The following ANLN variants were observed in gnomAD, a reference collection of about 807,000 sequenced individuals.
ANLN encodes anillin.
In ANLN, 59 loss-of-function variants were observed where a neutral mutation model predicts 135.1. The observed-to-expected ratio is 0.44, with a 90% CI of 0.35 to 0.54. The LOEUF (loss-of-function observed/expected upper bound fraction) is 0.54, where lower values mean the gene tolerates loss of function less well. Ranked by LOEUF, ANLN falls within the 20% of genes least tolerant of loss-of-function variation. The pLI, the probability that ANLN is intolerant of heterozygous loss-of-function variation, is 0.00. For synonymous variants in ANLN, 406 were observed against 456.4 expected (o/e 0.89, Z 1.41); for missense variants, 1,182 against 1,340.0 (o/e 0.88, Z 1.84).
At chr7:36,395,800 C>G (rs1786669157) in intron 1 of ANLN, among the ~76,000 whole-genome samples, 1 of 151,968 alleles carries the variant, frequency 6.6e-6, no homozygotes. Flanking sequence ...GTAGTTGATA[C>G]TGACCATCAC....
intron 10 of ANLN, 66 bp from the exon 11 acceptor site, chr7:36,420,103 A>C: frequency 6.8e-7 from 1 of 1,477,972 alleles, no homozygotes; most frequent in Non-Finnish European, 9.2e-7. Flanking sequence ...GAATTCATTG[A>C]TTTTCACAGA....
In ANLN at chr7:36,396,268, A is replaced by G. The variant is rs746972269; in HGVS notation, c.21A>G (p.Lys7=). Residue 7 remains lysine, a splice_region_variant and synonymous_variant, in exon 2 of 24, where the codon AAA becomes AAG. Coordinates refer to ENST00000265748, the MANE Select transcript of ANLN (RefSeq NM_018685.5). MDPFTE[K]LLERTRARRE... The stretch of plus-strand genomic sequence containing the variant: ...CACTGATATATTTATTTATGTAGAA[A>G]CTGCTGGAGCGAACCCGTGCCAGGC... 2.2e-5 allele frequency: 34 copies of G among 1,577,310 alleles called. No homozygotes were observed. The South Asian group carries it at 4.0e-4, about 18-fold the overall frequency.
chr7:36,406,133 C>G, intron 3 of ANLN, 48 bp from the exon 4 acceptor site: 1 of 1,521,504 alleles, frequency 6.6e-7, no homozygotes, highest in Non-Finnish European at 8.9e-7. Context: ...TATACGTAAG[C>G]ATTACTCTTA....
Position 36,452,583 on chromosome 7 carries a change from C to T in ANLN, c.3358C>T (p.Pro1120Ser), listed in dbSNP as rs1227345843. The T allele has an allele frequency of 6.2e-7, 1 of 1,614,032 alleles. No homozygotes were observed. Among genetic ancestry groups the T allele is most frequent in the Admixed American group, 1.7e-5 (1 of 60,022 alleles). The change falls in exon 24 of 24, where the codon CCT (proline) becomes TCT (serine). Residue 1120 changes from proline to serine, a missense_variant. By Grantham distance (74) the Pro-to-Ser change is moderately conservative. Transcript: ENST00000265748. ...CTGGCAACCTGATGCTTGCTACAAA[C>T]CTATTGGAAAGCCTTAAACCGGGAA... ...RLWQPDACYK[P>S]IGKP
Position 36,449,570 on chromosome 7 carries a change from T to C in ANLN, c.3079-95T>C, listed in dbSNP as rs1408351607. 6.4e-6 allele frequency: 6 copies of C among 936,316 alleles called. No homozygotes were observed. In the Admixed American group the frequency reaches 1.6e-4, roughly 25 times the overall value. The allele number at this position is 936,316 out of a possible 1,614,324, so 58.0% of individuals were successfully genotyped here. A position where few individuals can be genotyped will look rare whatever the true frequency, so the allele number is the denominator to read the frequency against. On this transcript the variant is annotated intron_variant, in intron 22 of 23. Transcript: ENST00000265748. The stretch of plus-strand genomic sequence containing the variant: ...ATTTTAACTTTTAAATAATAGCTTT[T>C]TAATATTTAATTTGTACCAACTTAA...
chr7:36,426,585 GAT>G (rs1788088619), intron 19 of ANLN, among the ~76,000 whole-genome samples: 1 of 152,114 alleles, frequency 6.6e-6, no homozygotes, highest in South Asian at 2.1e-4. Context: ...CCTGTACAGA[GAT>G]AGTTTCTGCT....
At chr7:36,443,622 T>TA (rs1046445840) in intron 21 of ANLN, 133 bp from the exon 22 acceptor site, 21 of 588,020 alleles carry the variant, frequency 3.6e-5, no homozygotes, top group African/African-American at 9.4e-5. Context: ...AAAGACATGA[T>TA]AAAAAAACAT....
In ANLN at chr7:36,421,879, T is replaced by A. The variant is rs1201017752; in HGVS notation, c.2186T>A (p.Met729Lys). 33 of 1,611,262 alleles carry A rather than the reference T, an allele frequency of 2.0e-5. No individual in the cohort carries two copies. In the East Asian group the frequency reaches 7.4e-4, roughly 36 times the overall value. ...TAGGAACTCAATAACGAAATAAATA[T>A]GCAACAGACAGTGATCTATCAAGCT... Reference protein sequence around the residue: ...KMQELNNEINMQQTVIYQASQ... With the variant: ...KMQELNNEINKQQTVIYQASQ... Residue 729 changes from methionine (M) to lysine (K), a missense_variant, in exon 13 of 24, where the codon ATG (methionine) becomes AAG (lysine). By Grantham distance (95) the Met-to-Lys change is moderately conservative. Around this residue, in one of 3 missense-constraint regions of ANLN, gnomAD observed 1,022 missense variants for 1,134.0 expected, o/e 0.90. Transcript: ENST00000265748.
intron 22 of ANLN, among the ~76,000 whole-genome samples, chr7:36,444,820 T>C (rs1788923002): frequency 6.6e-6 from 1 of 152,088 alleles, no homozygotes; most frequent in Non-Finnish European, 1.5e-5. Context: ...TATAATCTGA[T>C]TTTTTACTTG....
chr7:36,390,460 A>G (rs197354), intron 1 of ANLN: 92,277 of 215,386 alleles, frequency 0.43, 20,934 homozygotes, highest in South Asian at 0.62. Flanking sequence ...CGGGAAAGGC[A>G]GTAGGATGTG....
intron 9 of ANLN, 54 bp downstream of exon 9, chr7:36,417,244 T>C: frequency 1.0e-6 from 1 of 981,162 alleles, no homozygotes; most frequent in South Asian, 1.5e-5. Context: ...TAGGAAATAA[T>C]ATATTGATAG....
chr7:36,390,159 C>A, intron 1 of ANLN, 115 bp downstream of exon 1: 1 of 1,571,338 alleles, frequency 6.4e-7, no homozygotes, highest in Non-Finnish European at 8.7e-7. Context: ...TGTGTGCGCG[C>A]GTGCGCAGTG....
intron 3 of ANLN, among the ~76,000 whole-genome samples, chr7:36,402,905 A>G (rs1300844086): frequency 6.6e-6 from 1 of 152,096 alleles, no homozygotes; most frequent in African/African-American, 2.4e-5. Flanking sequence ...ACACTGTCCT[A>G]TCAGCAGATG....
In ANLN at chr7:36,452,726, C is replaced by T. The variant is rs1789299429; in HGVS notation, c.*126C>T. 3 of 1,054,792 alleles carry T rather than the reference C, an allele frequency of 2.8e-6. No individual in the cohort carries two copies. The highest frequency in any genetic ancestry group is 1.6e-5 in the South Asian group (1 of 62,016). 65.3% of individuals were successfully genotyped at this position (1,054,792 alleles called of 1,614,324 possible). ...AAAGGGTTTGTGCCAATATTCACTA[C>T]GTATTATGCAGTATTTATATCTTTT... On this transcript the variant is annotated 3_prime_UTR_variant, in exon 24 of 24. Coordinates refer to ENST00000265748, the MANE Select transcript of ANLN (RefSeq NM_018685.5).
In ANLN at chr7:36,420,878, A is replaced by G. The variant is rs1583625542; in HGVS notation, c.2163+134A>G. 3 of 774,794 alleles carry G rather than the reference A, an allele frequency of 3.9e-6. No individual in the cohort carries two copies. The East Asian group carries it at 7.9e-5, about 20-fold the overall frequency. The allele number at this position is 774,794 out of a possible 1,614,324, so 48.0% of individuals were successfully genotyped here. A position where few individuals can be genotyped will look rare whatever the true frequency, so the allele number is the denominator to read the frequency against. On this transcript the variant is annotated intron_variant, in intron 12 of 23. Transcript: ENST00000265748. ...AATAGTGTCTGATGCATAGAAGCTC[A>G]GTAAATCACATTTGAATTCAGTTTA...
chr7:36,435,872 CAAAAAAAAAAAAAA>C (rs57379889), intron 20 of ANLN, among the ~76,000 whole-genome samples: 3 of 52,228 alleles, frequency 5.7e-5, no homozygotes, highest in African/African-American at 1.8e-4. Context: ...GACTCCGTCT[CAAAAAAAAAAAAAA>C]AAAAAAAAAA....
Position 36,452,588 on chromosome 7 carries a change from T to C in ANLN, c.3363T>C (p.Ile1121=), listed in dbSNP as rs1789292765. 1.9e-6 allele frequency: 3 copies of C among 1,614,022 alleles called. No homozygotes were observed. The highest frequency in any genetic ancestry group is 2.5e-6 in the Non-Finnish European group (3 of 1,179,924). The change falls in exon 24 of 24, where the codon ATT becomes ATC. Residue 1121 remains isoleucine, a synonymous_variant. Transcript: ENST00000265748. ...LWQPDACYKP[I]GKP is the part of the protein sequence containing the mutation. ...AACCTGATGCTTGCTACAAACCTAT[T>C]GGAAAGCCTTAAACCGGGAAATTTC...
intron 22 of ANLN, 182 bp from the exon 23 acceptor site, chr7:36,449,483 T>C (rs1789156233): frequency 2.1e-6 from 1 of 485,054 alleles, no homozygotes; most frequent in African/African-American, 2.0e-5. Context: ...GGTTTTATTT[T>C]TATGTCTAGC....
chr7:36,408,635 A>G (rs1440300146), intron 5 of ANLN, among the ~76,000 whole-genome samples: 1 of 152,234 alleles, frequency 6.6e-6, no homozygotes, highest in Non-Finnish European at 1.5e-5. Flanking sequence ...ATTGTAAACT[A>G]TAGTCACCCT....
Sources: allele counts gnomAD v4.1 joint callset (sites outside exome capture counted in the v4.1 genomes callset), GRCh38; gene constraint gnomAD v4.1.1; regional missense constraint gnomAD v4.1.1; transcripts MANE v1.5; gene names NCBI Gene and HGNC (gene_info 2026-07-23, HGNC 2026-07-21).